DERA: variants seen among roughly 807,000 people sequenced by gnomAD.
DERA encodes the protein deoxyribose-phosphate aldolase.
DERA carries 15 observed loss-of-function variants against 41.1 expected under a neutral mutation model. The observed-to-expected ratio is 0.37, with a 90% CI of 0.24 to 0.56. The LOEUF is 0.56. DERA is among the 20% of genes least tolerant of loss of function. DERA has a pLI of 0.81. For missense variants in DERA, 396 were observed against 403.4 expected (o/e 0.98, Z 0.16); for synonymous variants, 139 against 137.4 (o/e 1.01, Z -0.08).
In DERA at chr12:16,021,537, C is replaced by T. The variant is rs1949017221; in HGVS notation, c.638-11005C>T. 1.3e-5 allele frequency among the ~76,000 whole-genome samples: 2 copies of T among 152,324 alleles called. No homozygotes were observed. The highest frequency in any genetic ancestry group is 2.4e-5 in the African/African-American group (1 of 41,572). ...CCCACACAGAGTCTCCACTGCAGCG[C>T]TGTCTTAGTGGAATTGTGGGAATGG... On this transcript the variant is annotated intron_variant, in intron 6 of 8. Coordinates refer to ENST00000428559, the MANE Select transcript of DERA (RefSeq NM_015954.4). The surrounding 1 kb of genome is among the most constrained non-coding windows in gnomAD (Gnocchi z 5.3).
At chr12:15,977,636 T>G (rs1948706752) in intron 5 of DERA, among the ~76,000 whole-genome samples, 1 of 152,170 alleles carries the variant, frequency 6.6e-6, no homozygotes, top group South Asian at 2.1e-4. Flanking sequence ...TTGCATTTTT[T>G]TAGTAGAGAC....
At chr12:15,969,091 C>G (rs1948643079) in intron 5 of DERA, among the ~76,000 whole-genome samples, 1 of 152,138 alleles carries the variant, frequency 6.6e-6, no homozygotes, top group South Asian at 2.1e-4. Context: ...ATGATTAGTA[C>G]ATGTAATACA....
Position 16,003,729 on chromosome 12 carries a change from T to C in DERA, c.637+21293T>C, listed in dbSNP as rs895784561. Among the ~76,000 whole-genome samples, 3 of 152,118 alleles carry C rather than the reference T, an allele frequency of 2.0e-5. No individual in the cohort carries two copies. The highest frequency in any genetic ancestry group is 7.2e-5 in the African/African-American group (3 of 41,412). ...ATTTCTGGCTCATGAGTGAGAAGTA[T>C]TCCTCCTTAGTTGTGCCTGAGAAGC... On this transcript the variant is annotated intron_variant, in intron 6 of 8. Coordinates refer to ENST00000428559, the MANE Select transcript of DERA (RefSeq NM_015954.4). This position sits in a 1 kb window ranked among gnomAD's most constrained non-coding sequence, Gnocchi z 4.8.
intron 5 of DERA, among the ~76,000 whole-genome samples, chr12:15,977,994 T>C (rs991045002): frequency 6.6e-6 from 1 of 152,342 alleles, no homozygotes; most frequent in East Asian, 1.9e-4. Flanking sequence ...GCAGCAGTTA[T>C]AATAACTCCA....
rs2290978 is a variant in DERA at position 16,036,608 on chromosome 12, T to G, written c.901-82T>G. ...TAATGAAATGTTCATTAAAACTATT[T>G]ATTATTATTTGATAGTATAATTATT... On this transcript the variant is annotated intron_variant, in intron 8 of 8. Transcript: ENST00000428559. This position sits in a 1 kb window ranked among gnomAD's most constrained non-coding sequence, Gnocchi z 4.9. The G allele has an allele frequency of 7.2e-6, 8 of 1,107,778 alleles. No homozygotes were observed. The highest frequency in any genetic ancestry group is 9.2e-6 in the Non-Finnish European group (7 of 760,286). The allele number at this position is 1,107,778 out of a possible 1,614,324, so 68.6% of individuals were successfully genotyped here.
At chr12:15,944,388 C>G (rs1177176511) in intron 1 of DERA, among the ~76,000 whole-genome samples, 1 of 152,194 alleles carries the variant, frequency 6.6e-6, no homozygotes, top group Non-Finnish European at 1.5e-5. Context: ...TCTCCAGCAC[C>G]TGTTGTTTCC....
rs556384765 is a variant in DERA at position 15,965,881 on chromosome 12, A to T, written c.508+2934A>T. On this transcript the variant is annotated intron_variant, in intron 5 of 8. Transcript: ENST00000428559. The surrounding 1 kb of genome is among the most constrained non-coding windows in gnomAD (Gnocchi z 4.1). ...TTCCCTCGACTGTGCTGTGGCTCTC[A>T]TCTCCCCCTGCATTTTCAGAAGCCC... 6.6e-6 allele frequency among the ~76,000 whole-genome samples: 1 copy of T among 151,750 alleles called. No homozygotes were observed.
At chr12:15,926,459 G>A (rs1461443773) in intron 1 of DERA, among the ~76,000 whole-genome samples, 2 of 152,078 alleles carry the variant, frequency 1.3e-5, no homozygotes, top group Non-Finnish European at 2.9e-5. Flanking sequence ...AGAATTGGCC[G>A]GGCGCGGTGG....
rs928526858 is a variant in DERA at position 15,983,526 on chromosome 12, T to C, written c.637+1090T>C. The stretch of plus-strand genomic sequence containing the variant: ...TTTCAGGAATTATTTCCCCTGACAC[T>C]GCTTCTCCCCCTGCTGTTTGGCCCA... On this transcript the variant is annotated intron_variant, in intron 6 of 8. Coordinates refer to ENST00000428559, the MANE Select transcript of DERA (RefSeq NM_015954.4). The surrounding 1 kb of genome is among the most constrained non-coding windows in gnomAD (Gnocchi z 6.2). Among the ~76,000 whole-genome samples the C allele has an allele frequency of 6.6e-6, 1 of 152,222 alleles. No homozygotes were observed. The highest frequency in any genetic ancestry group is 1.9e-4 in the East Asian group (1 of 5,200).
Position 16,008,705 on chromosome 12 carries a change from C to G in DERA, c.638-23837C>G, listed in dbSNP as rs549041305. ...TAGCCAGTCACCGCTGTTGGCTCATCATTAGTGTCAGGATTGGGGCCGCTC... is the reference window on the plus strand; with the variant it reads ...TAGCCAGTCACCGCTGTTGGCTCATGATTAGTGTCAGGATTGGGGCCGCTC... On this transcript the variant is annotated intron_variant, in intron 6 of 8. Coordinates refer to ENST00000428559, the MANE Select transcript of DERA (RefSeq NM_015954.4). This position sits in a 1 kb window ranked among gnomAD's most constrained non-coding sequence, Gnocchi z 4.8. Among the ~76,000 whole-genome samples the G allele has an allele frequency of 6.6e-6, 1 of 152,250 alleles. No homozygotes were observed. The highest frequency in any genetic ancestry group is 2.4e-5 in the African/African-American group (1 of 41,536).
At chr12:15,926,775 C>G (rs1209759792) in intron 1 of DERA, among the ~76,000 whole-genome samples, 2 of 150,018 alleles carry the variant, frequency 1.3e-5, no homozygotes, top group Non-Finnish European at 3.0e-5. Flanking sequence ...ACAAGAGAAT[C>G]CAGGTTACCA....
intron 1 of DERA, among the ~76,000 whole-genome samples, chr12:15,949,999 A>G (rs1469532285): frequency 2.0e-5 from 3 of 152,064 alleles, no homozygotes; most frequent in Non-Finnish European, 4.4e-5. Flanking sequence ...GGCCTTGCCT[A>G]CTTTCCCCTG....
chr12:15,914,020 A>G (rs1425955229), intron 1 of DERA, among the ~76,000 whole-genome samples: 1 of 152,140 alleles, frequency 6.6e-6, no homozygotes, highest in African/African-American at 2.4e-5. Flanking sequence ...GTGGGTAGTG[A>G]TCTTTCTTTT....
chr12:15,919,174 T>G (rs914890249), intron 1 of DERA, among the ~76,000 whole-genome samples: 1 of 152,150 alleles, frequency 6.6e-6, no homozygotes, highest in African/African-American at 2.4e-5. Context: ...ATTTGATAAA[T>G]AGAAAAACTA....
rs1007012619 is a variant in DERA at position 15,967,901 on chromosome 12, C to T, written c.508+4954C>T. Among the ~76,000 whole-genome samples the T allele has an allele frequency of 6.6e-6, 1 of 152,164 alleles. No homozygotes were observed. Among genetic ancestry groups the T allele is most frequent in the African/African-American group, 2.4e-5 (1 of 41,434 alleles). On this transcript the variant is annotated intron_variant, in intron 5 of 8. Transcript: ENST00000428559. This position sits in a 1 kb window ranked among gnomAD's most constrained non-coding sequence, Gnocchi z 4.9. ...ACAAACATTTTCAAATGATTTGCCC[C>T]AGCTGCTTTCCTGACAGGATTAGCA...
intron 1 of DERA, among the ~76,000 whole-genome samples, chr12:15,930,116 A>G (rs1159750337): frequency 6.6e-6 from 1 of 152,204 alleles, no homozygotes; most frequent in Non-Finnish European, 1.5e-5. Context: ...GTGAGCCACA[A>G]TAAGAATTAC....
At chr12:15,919,970 ATGTGTGTG>A (rs10523539) in intron 1 of DERA, among the ~76,000 whole-genome samples, 3 of 148,166 alleles carry the variant, frequency 2.0e-5, no homozygotes, top group Non-Finnish European at 3.0e-5. Flanking sequence ...TGAGAAAGAA[ATGTGTGTG>A]TGTGTGTGTG....
In DERA at chr12:15,911,735, A is replaced by G. The variant is rs752527433; in HGVS notation, c.31+321A>G. ...AACAACCCAAAAAACAAAACCCAAA[A>G]CAAACAACCCCCAAGCAGGTAAAAA... On this transcript the variant is annotated intron_variant, in intron 1 of 8. Transcript: ENST00000428559. The surrounding 1 kb of genome is among the most constrained non-coding windows in gnomAD (Gnocchi z 4.5). 1.6e-5 allele frequency: 10 copies of G among 611,894 alleles called. No individual in the cohort carries two copies. Among genetic ancestry groups the G allele is most frequent in the South Asian group, 1.5e-4 (10 of 65,950 alleles). The allele number at this position is 611,894 out of a possible 1,614,324, so 37.9% of individuals were successfully genotyped here.
intron 6 of DERA, among the ~76,000 whole-genome samples, chr12:16,002,236 C>T (rs1489433185): frequency 6.7e-6 from 1 of 150,288 alleles, no homozygotes; most frequent in Non-Finnish European, 1.5e-5. Context: ...ATGTGAACAG[C>T]AAGGTTATTC....
Sources: allele counts gnomAD v4.1 joint callset (sites outside exome capture counted in the v4.1 genomes callset), GRCh38; gene constraint gnomAD v4.1.1; non-coding constraint Gnocchi (gnomAD v3.1); transcripts MANE v1.5; gene names NCBI Gene and HGNC (gene_info 2026-07-23, HGNC 2026-07-21).